The following DLG2 variants were observed in gnomAD, a reference collection of about 807,000 sequenced individuals.
DLG2 encodes the protein disks large homolog 2.
In DLG2, 45 loss-of-function variants were observed where a neutral mutation model predicts 132.5. The observed-to-expected ratio is 0.34, with a 90% CI of 0.27 to 0.44. The LOEUF (loss-of-function observed/expected upper bound fraction) is 0.44. Ranked by LOEUF, DLG2 falls within the 20% of genes least tolerant of loss-of-function variation. The pLI, the probability that DLG2 is intolerant of heterozygous loss-of-function variation, is 1.00. For missense variants in DLG2, 1,045 were observed against 1,196.9 expected, an observed-to-expected ratio of 0.87 and a Z score of 1.87; for synonymous variants, 424 against 419.6, an observed-to-expected ratio of 1.01 and a Z score of -0.13.
chr11:83,556,113 GAGA>G (rs1338931543), intron 19 of DLG2, among the ~76,000 whole-genome samples: 3 of 152,110 alleles, frequency 2.0e-5, no homozygotes, highest in Admixed American at 1.3e-4. Flanking sequence ...GTGTTTTGAG[GAGA>G]AGACTTCTTT....
chr11:85,058,229 A>T (rs1297038199), intron 6 of DLG2, among the ~76,000 whole-genome samples: 1 of 151,584 alleles, frequency 6.6e-6, no homozygotes, highest in Non-Finnish European at 1.5e-5. Flanking sequence ...ATATATAAAA[A>T]TCAATTGCAT....
rs188893827 is a variant in DLG2, at chr11:85,370,904, G to A, written c.41-85539C>T. ...TAATGCTAATATATGTTCCAGAATT[G>A]TATGGGATTTCTAAAATTCTAATGT... On this transcript the variant is annotated intron_variant, in intron 3 of 27. Coordinates refer to ENST00000376104, the MANE Select transcript of DLG2 (RefSeq NM_001142699.3). Among the ~76,000 whole-genome samples, 8 of 152,216 alleles carry A rather than the reference G, an allele frequency of 5.3e-5. 1 individual carries two copies. Among genetic ancestry groups the A allele is most frequent in the Admixed American group, 5.2e-4 (8 of 15,286 alleles).
At chr11:84,729,273 G>A (rs924754572) in intron 6 of DLG2, among the ~76,000 whole-genome samples, 6 of 151,954 alleles carry the variant, frequency 3.9e-5, no homozygotes, top group African/African-American at 1.2e-4. Flanking sequence ...CAGGGATTCC[G>A]GTACATTGTG....
chr11:85,415,227 T>C lies in DLG2; in HGVS notation c.41-129862A>G, dbSNP rs1005133401. Among the ~76,000 whole-genome samples, 23 of 152,222 alleles carry C rather than the reference T, an allele frequency of 1.5e-4. 1 individual carries two copies. Among genetic ancestry groups the C allele is most frequent in the Non-Finnish European group, 2.9e-5 (2 of 68,040 alleles). Reference sequence around the variant, plus strand: ...TGGCTGCATAGTATTCCATGGCATATATGTGCCACATTTTCTTTATCCAGT... The same window carrying C: ...TGGCTGCATAGTATTCCATGGCATACATGTGCCACATTTTCTTTATCCAGT... On this transcript the variant is annotated intron_variant, in intron 3 of 27. Coordinates refer to ENST00000376104, the MANE Select transcript of DLG2 (RefSeq NM_001142699.3).
intron 6 of DLG2, among the ~76,000 whole-genome samples, chr11:84,774,614 G>C (rs1424358485): frequency 6.6e-6 from 1 of 150,688 alleles, no homozygotes; most frequent in Non-Finnish European, 1.5e-5. Context: ...TAGACCAATG[G>C]GGCCGAGAAC....
intron 7 of DLG2, among the ~76,000 whole-genome samples, chr11:84,510,814 T>TTTTG (rs150351695): frequency 2.2e-3 from 334 of 151,666 alleles, no homozygotes; most frequent in East Asian, 0.018. Flanking sequence ...GATAACTGTT[T>TTTTG]TTTGTTTGTT....
intron 6 of DLG2, among the ~76,000 whole-genome samples, chr11:84,713,327 A>G (rs181864651): frequency 6.6e-6 from 1 of 152,250 alleles, no homozygotes; most frequent in East Asian, 1.9e-4. Flanking sequence ...CACTGGGGTA[A>G]CCAGGGTAAC....
chr11:85,373,860 A>C (rs2085187010), intron 3 of DLG2, among the ~76,000 whole-genome samples: 1 of 152,216 alleles, frequency 6.6e-6, no homozygotes. Flanking sequence ...TGGTCAATGT[A>C]GATCTGGCCC....
At chr11:85,028,440 G>T (rs1410971971) in intron 6 of DLG2, among the ~76,000 whole-genome samples, 1 of 152,106 alleles carries the variant, frequency 6.6e-6, no homozygotes, top group Non-Finnish European at 1.5e-5. Context: ...ACCCCTTTCT[G>T]CCCAGGAGCC....
At chr11:84,865,023 C>G (rs187371826) in intron 6 of DLG2, among the ~76,000 whole-genome samples, 1 of 152,210 alleles carries the variant, frequency 6.6e-6, no homozygotes, top group African/African-American at 2.4e-5. Context: ...AAAGAAAAAT[C>G]TGACTAAAGA....
chr11:84,363,465 G>T (rs1039904925), intron 7 of DLG2, among the ~76,000 whole-genome samples: 1 of 152,064 alleles, frequency 6.6e-6, no homozygotes, highest in Non-Finnish European at 1.5e-5. Context: ...TGGGTTTCCT[G>T]TTCACTCTGA....
At chr11:85,069,121 C>G (rs2065382450) in intron 6 of DLG2, among the ~76,000 whole-genome samples, 2 of 151,526 alleles carry the variant, frequency 1.3e-5, no homozygotes, top group African/African-American at 4.8e-5. Flanking sequence ...GAAACTGGAT[C>G]CCCTCCTTAC....
chr11:83,856,385 C>G (rs777345617), intron 16 of DLG2, among the ~76,000 whole-genome samples: 3 of 152,144 alleles, frequency 2.0e-5, no homozygotes, highest in Non-Finnish European at 4.4e-5. Flanking sequence ...ATTTCTGACT[C>G]TAGGTCTCTG....
At chr11:83,462,907 A>C (rs2090306765) in intron 26 of DLG2, among the ~76,000 whole-genome samples, 2 of 152,206 alleles carry the variant, frequency 1.3e-5, no homozygotes, top group Non-Finnish European at 2.9e-5. Flanking sequence ...TTGATTCTTA[A>C]CTACTGGCAG....
intron 17 of DLG2, among the ~76,000 whole-genome samples, chr11:83,796,464 C>G (rs1266133866): frequency 6.6e-6 from 1 of 152,208 alleles, no homozygotes; most frequent in Non-Finnish European, 1.5e-5. Context: ...TGATCCCACT[C>G]CCTTCCGCAT....
rs2060034289 is a variant in DLG2, at chr11:85,021,209, C to T, written c.357+90452G>A. On this transcript the variant is annotated intron_variant, in intron 6 of 27. Transcript: ENST00000376104. ...TCCCTTCGTGAGTTGTTTCCTGATA[C>T]ACACTGACGTTTCGAGGGCACTACA... The T allele has an allele frequency of 1.0e-5, 12 of 1,170,432 alleles. No homozygotes were observed. In the South Asian group the frequency reaches 1.5e-4, roughly 14 times the overall value. 72.5% of individuals were successfully genotyped at this position (1,170,432 alleles called of 1,614,324 possible).
chr11:84,464,597 GC>G (rs1479333942), intron 7 of DLG2, among the ~76,000 whole-genome samples: 1 of 150,844 alleles, frequency 6.6e-6, no homozygotes, highest in Non-Finnish European at 1.5e-5. Context: ...TCTTTTCAGA[GC>G]AAAAATTATG....
intron 8 of DLG2, among the ~76,000 whole-genome samples, chr11:84,164,281 T>C (rs1337103597): frequency 1.3e-5 from 2 of 152,196 alleles, no homozygotes; most frequent in Middle Eastern, 3.2e-3. Flanking sequence ...CTAACAAATA[T>C]TCCTTTCTCA....
At chr11:83,707,818 C>T (rs570960262) in intron 18 of DLG2, among the ~76,000 whole-genome samples, 27 of 152,314 alleles carry the variant, frequency 1.8e-4, no homozygotes, top group Admixed American at 1.6e-3. Flanking sequence ...TATCCCAGCA[C>T]CCAGCACACA....
Sources: gnomAD v4.1 joint callset for allele counts (sites outside exome capture counted in the v4.1 genomes callset) on GRCh38, gnomAD v4.1.1 for gene constraint, MANE v1.5 for transcripts, NCBI Gene and HGNC (gene_info 2026-07-23, HGNC 2026-07-21) for gene names.